LAMA5: variants seen among roughly 807,000 people sequenced by gnomAD.
LAMA5 encodes the protein laminin subunit alpha 5.
A neutral mutation model predicts 433.4 loss-of-function variants in LAMA5; 260 were observed. That is an observed-to-expected ratio of 0.60 (90% confidence interval 0.54 to 0.66). LAMA5 has a LOEUF of 0.66. LAMA5 is among the 30% of genes least tolerant of loss of function. The pLI, the probability that LAMA5 is intolerant of heterozygous loss-of-function variation, is 0.00. For synonymous variants in LAMA5, 2,620 were observed against 2,226.6 expected (o/e 1.18, Z -4.97); for missense variants, 5,378 against 5,258.5 (o/e 1.02, Z -0.70).
intron 28 of LAMA5, among the ~76,000 whole-genome samples, chr20:62,331,895 T>C (rs1396408025): frequency 6.6e-6 from 1 of 151,962 alleles, no homozygotes; most frequent in Admixed American, 6.6e-5. Flanking sequence ...CTCCTAAAAA[T>C]ACGAAAATTA....
chr20:62,337,593 C>CA lies in LAMA5; in HGVS notation c.2160_2161insT (p.Glu721Ter). On this transcript the variant is annotated frameshift_variant, in exon 16 of 80. Coordinates refer to ENST00000252999, the MANE Select transcript of LAMA5 (RefSeq NM_005560.6). LOFTEE classifies it high-confidence loss of function. ...ACACAGCCACCTGCCTGCTCACCTT[C>CA]GCAGTAGGGGAAGTTGTAGGCACCG... is the stretch of plus-strand genomic sequence containing the variant. 1 of 1,604,238 alleles carries CA rather than the reference C, an allele frequency of 6.2e-7. No individual in the cohort carries two copies. Among genetic ancestry groups the CA allele is most frequent in the Non-Finnish European group, 8.5e-7 (1 of 1,176,244 alleles).
Position 62,310,294 on chromosome 20 carries a change from GTGTA to G in LAMA5, c.10614_10617del (p.Thr3539CysfsTer18). ...TCCAGTTCCAGGCCCACATCAGGCA[GTGTA>G]GCTCCTGGGAGGTCTGCGGGGAGGG... On this transcript the variant is annotated frameshift_variant, in exon 77 of 80. Coordinates refer to ENST00000252999, the MANE Select transcript of LAMA5 (RefSeq NM_005560.6). LOFTEE classifies it high-confidence loss of function. The G allele has an allele frequency of 6.2e-7, 1 of 1,608,106 alleles. No homozygotes were observed. The highest frequency in any genetic ancestry group is 8.5e-7 in the Non-Finnish European group (1 of 1,176,868).
Position 62,328,385 on chromosome 20 carries a change from C to T in LAMA5, c.4508G>A (p.Arg1503His), listed in dbSNP as rs369817608. ...ELTGQCICPP[R>H]TIPPDCLLCQ... is the part of the protein sequence containing the mutation. ...CAGCAGGCAGTCGGGCGGGATGGTG[C>T]GTGGCGGGCAGATGCACTGGCCCGT... Residue 1503 changes from arginine (R) to histidine (H), a missense_variant, in exon 35 of 80, where the codon CGC becomes CAC. Arg to His is a conservative substitution (Grantham distance 29). Transcript: ENST00000252999. 2.7e-5 allele frequency: 42 copies of T among 1,562,648 alleles called. 1 individual carries two copies. The highest frequency in any genetic ancestry group is 9.2e-5 in the East Asian group (4 of 43,648).
Position 62,318,899 on chromosome 20 carries a change from C to A in LAMA5, c.6986G>T (p.Arg2329Leu), listed in dbSNP as rs754748520. The change falls in exon 52 of 80, where the codon CGG becomes CTG. Residue 2329 changes from arginine (R) to leucine (L), a missense_variant. Coordinates refer to ENST00000252999, the MANE Select transcript of LAMA5 (RefSeq NM_005560.6). Reference protein sequence around the residue: ...VERLLWEMRARDLGAPQAAAE... With the variant: ...VERLLWEMRALDLGAPQAAAE... Reference sequence around the variant, plus strand: ...TGCTGCCTGCGGGGCCCCCAGGTCCCGGGCCCGCATCTCCCAGAGCAGCCG... The same window carrying A: ...TGCTGCCTGCGGGGCCCCCAGGTCCAGGGCCCGCATCTCCCAGAGCAGCCG... The A allele has an allele frequency of 1.9e-6, 3 of 1,606,028 alleles. No individual in the cohort carries two copies. The highest frequency in any genetic ancestry group is 2.7e-5 in the African/African-American group (2 of 74,854).
chr20:62,317,818 A>G (rs1418039669), intron 53 of LAMA5, 40 bp from the exon 54 acceptor site: 32 of 1,177,558 alleles, frequency 2.7e-5, no homozygotes, highest in Non-Finnish European at 3.7e-5. Flanking sequence ...ATGAGGGGTA[A>G]GAAAAGAATA....
At chr20:62,362,754 A>G (rs552724183) in intron 1 of LAMA5, among the ~76,000 whole-genome samples, 1 of 152,144 alleles carries the variant, frequency 6.6e-6, no homozygotes, top group Non-Finnish European at 1.5e-5. Context: ...GGCTCATGTG[A>G]GCTGCTCACG....
Position 62,312,451 on chromosome 20 carries a change from G to T in LAMA5, c.9309C>A (p.Leu3103=), listed in dbSNP as rs1220100837. 7.5e-6 allele frequency: 12 copies of T among 1,598,130 alleles called. No homozygotes were observed. Among genetic ancestry groups the T allele is most frequent in the East Asian group, 4.5e-5 (2 of 44,862 alleles). The change falls in exon 68 of 80, where the codon CTC becomes CTA. Residue 3103 remains leucine, a synonymous_variant. Coordinates refer to ENST00000252999, the MANE Select transcript of LAMA5 (RefSeq NM_005560.6). ...GIKALGKYVD[L]KRLNTTGVSA... The stretch of plus-strand genomic sequence containing the variant: ...TCACGCCTGTCGTGTTCAGCCGCTT[G>T]AGGTCCACATACTTGCCCAGGGCCT...
chr20:62,340,538 C>T (rs1321011990), intron 11 of LAMA5, among the ~76,000 whole-genome samples: 9 of 151,456 alleles, frequency 5.9e-5, no homozygotes, highest in East Asian at 2.0e-4. Context: ...CTCGAACTCC[C>T]GACCTCAGGT....
chr20:62,360,111 T>A (rs1439695205), intron 2 of LAMA5, among the ~76,000 whole-genome samples: 2 of 147,142 alleles, frequency 1.4e-5, no homozygotes, highest in African/African-American at 5.0e-5. Context: ...CCCACCCCAC[T>A]CCAGGGAGTC....
At chr20:62,320,963 G>C in intron 48 of LAMA5, 73 bp from the exon 49 acceptor site, 1 of 1,502,560 alleles carries the variant, frequency 6.7e-7, no homozygotes, top group Non-Finnish European at 9.0e-7. Context: ...TGGGGCCCTG[G>C]GGTCATTAGG....
rs1161174930 is a variant in LAMA5, at chr20:62,311,483, T to A, written c.9860A>T (p.Asn3287Ile). ...GGCGGGTGCACAGCCCGTGCTCACATTGACGCTGCCCAGGTTCTGCTGCAG... is the reference window on the plus strand; with the variant it reads ...GGCGGGTGCACAGCCCGTGCTCACAATGACGCTGCCCAGGTTCTGCTGCAG... ...FDLQQNLGSV[N>I]VSTGCAPALQ... Residue 3287 changes from asparagine to isoleucine, a missense_variant, in exon 72 of 80, where the codon AAT (asparagine) becomes ATT (isoleucine). Transcript: ENST00000252999. 1 of 1,610,550 alleles carries A rather than the reference T, an allele frequency of 6.2e-7. No individual in the cohort carries two copies.
chr20:62,325,201 G>C (rs1979061626), intron 41 of LAMA5, 115 bp downstream of exon 41: 1 of 684,060 alleles, frequency 1.5e-6, no homozygotes, highest in African/African-American at 1.8e-5. Context: ...CAGGAAGAGA[G>C]GTGAGTAGGG....
chr20:62,311,226 G>C lies in LAMA5; in HGVS notation c.10024C>G (p.Gln3342Glu), dbSNP rs1238777506. The C allele has an allele frequency of 6.2e-7, 1 of 1,610,348 alleles. No individual in the cohort carries two copies. The highest frequency in any genetic ancestry group is 1.1e-5 in the South Asian group (1 of 90,886). Residue 3342 changes from glutamine (Q) to glutamate (E), a missense_variant, in exon 73 of 80, where the codon CAG becomes GAG. Physicochemically the swap from Gln to Glu is conservative, Grantham distance 29. Coordinates refer to ENST00000252999, the MANE Select transcript of LAMA5 (RefSeq NM_005560.6). ...PHLRTTRDSYQFGGSLSSHLE... is the reference protein window; with the variant it reads ...PHLRTTRDSYEFGGSLSSHLE... ...TGACTGGACAGGGAACCCCCAAACT[G>C]GTAGGAGTCTCGGGTGGTCCTGAGG... is the stretch of plus-strand genomic sequence containing the variant.
In LAMA5 at chr20:62,346,993, C is replaced by G. The variant is rs1983495823; in HGVS notation, c.992G>C (p.Gly331Ala). 6.2e-6 allele frequency: 10 copies of G among 1,612,120 alleles called. No homozygotes were observed. Among genetic ancestry groups the G allele is most frequent in the Non-Finnish European group, 8.5e-6 (10 of 1,179,920 alleles). ...QCTCQHNTCG[G>A]TCDRCCPGFN... ...GCCGGGGCAGCAGCGGTCGCAGGTGCCCCCGCAGGTGTTGTGCTGGCAGGT... is the reference window on the plus strand; with the variant it reads ...GCCGGGGCAGCAGCGGTCGCAGGTGGCCCCGCAGGTGTTGTGCTGGCAGGT... Residue 331 changes from glycine to alanine, a missense_variant, in exon 7 of 80, where the codon GGC becomes GCC. By Grantham distance (60) the Gly-to-Ala change is moderately conservative. Transcript: ENST00000252999.
chr20:62,313,601 C>T (rs950643849), intron 63 of LAMA5, 48 bp downstream of exon 63: 3 of 1,604,134 alleles, frequency 1.9e-6, no homozygotes, highest in South Asian at 1.1e-5. Flanking sequence ...ACAAGCGACT[C>T]GGGGCTGCGG....
chr20:62,346,845 C>T (rs193147519), intron 7 of LAMA5, 45 bp from the exon 8 acceptor site: 19 of 1,606,624 alleles, frequency 1.2e-5, no homozygotes, highest in East Asian at 1.1e-4. Context: ...TCCACAGGCC[C>T]GGGCACCGGG....
In LAMA5 at chr20:62,327,882, C is replaced by T. The variant is rs754393413; in HGVS notation, c.4781G>A (p.Gly1594Glu). ...TAPGVCDPLTGQCYCKENVQG... is the reference protein window; with the variant it reads ...TAPGVCDPLTEQCYCKENVQG... The stretch of plus-strand genomic sequence containing the variant: ...CTCACTCACCTTACAGTAGCACTGC[C>T]CTGTGAGGGGGTCACACACGCCAGG... Residue 1594 changes from glycine to glutamate, a missense_variant, in exon 36 of 80, where the codon GGG becomes GAG. Physicochemically the swap from Gly to Glu is moderately conservative, Grantham distance 98. Coordinates refer to ENST00000252999, the MANE Select transcript of LAMA5 (RefSeq NM_005560.6). 1.7e-5 allele frequency: 28 copies of T among 1,609,992 alleles called. No individual in the cohort carries two copies. In the Admixed American group the frequency reaches 4.5e-4, roughly 26 times the overall value.
chr20:62,311,956 G>T lies in LAMA5; in HGVS notation c.9599C>A (p.Ala3200Asp). ...GCTGTAGAAGGCGACGTAATGGGGG[G>T]CACCATCGGCGAAGCCCGCTTGAGT... ...VKTQAGFADG[A>D]PHYVAFYSNA... The change falls in exon 70 of 80, where the codon GCC (alanine) becomes GAC (aspartate). Residue 3200 changes from alanine (A) to aspartate (D), a missense_variant. Coordinates refer to ENST00000252999, the MANE Select transcript of LAMA5 (RefSeq NM_005560.6). 2.5e-6 allele frequency: 4 copies of T among 1,612,618 alleles called. No individual in the cohort carries two copies. The highest frequency in any genetic ancestry group is 3.4e-6 in the Non-Finnish European group (4 of 1,179,858).
Position 62,317,094 on chromosome 20 carries a change from C to T in LAMA5, c.7512-71G>A, listed in dbSNP as rs373189894. The T allele has an allele frequency of 2.0e-4, 294 of 1,453,864 alleles. No individual in the cohort carries two copies. In the African/African-American group the frequency reaches 3.3e-3, roughly 16 times the overall value. 90.1% of individuals were successfully genotyped at this position (1,453,864 alleles called of 1,614,324 possible). A position where few individuals can be genotyped will look rare whatever the true frequency, so the allele number is the denominator to read the frequency against. On this transcript the variant is annotated intron_variant, in intron 55 of 79. Transcript: ENST00000252999. The stretch of plus-strand genomic sequence containing the variant: ...CTCGGCCTGGCTCTCCAGCCTCCTG[C>T]GCTCACAACCAGCCGTGCCCGTGCC...
Sources: allele counts gnomAD v4.1 joint callset (sites outside exome capture counted in the v4.1 genomes callset), GRCh38; gene constraint gnomAD v4.1.1; transcripts MANE v1.5; gene names NCBI Gene and HGNC (gene_info 2026-07-23, HGNC 2026-07-21).